The following DDX4 variants were observed in gnomAD, a reference collection of about 807,000 sequenced individuals.
DDX4 encodes DEAD-box helicase 4.
In DDX4, 25 loss-of-function variants were observed where a neutral mutation model predicts 100.0. The observed-to-expected ratio is 0.25, with a 90% CI of 0.18 to 0.35. DDX4 has a LOEUF of 0.35. Among genes scored for constraint, DDX4 ranks in the 10% least tolerant of loss-of-function variants. DDX4 has a pLI of 1.00. For missense variants in DDX4, 635 were observed against 882.4 expected (o/e 0.72, Z 3.55); for synonymous variants, 259 against 275.7 (o/e 0.94, Z 0.60).
chr5:55,804,560 C>T (rs1743564312), intron 18 of DDX4, among the ~76,000 whole-genome samples: 1 of 152,162 alleles, frequency 6.6e-6, no homozygotes, highest in Non-Finnish European at 1.5e-5. Context: ...GTTTTCCCAG[C>T]ACCATTTATT....
chr5:55,764,486 G>A (rs1488672763), intron 6 of DDX4, among the ~76,000 whole-genome samples: 1 of 152,120 alleles, frequency 6.6e-6, no homozygotes, highest in Non-Finnish European at 1.5e-5. Context: ...TGAAGGTACT[G>A]ACACTCTACA....
rs533219250 is a variant in DDX4, at chr5:55,814,834, G to T, written c.1716-67G>T. 1,469 of 1,517,566 alleles carry T rather than the reference G, an allele frequency of 9.7e-4. 3 individuals are homozygous for T. The highest frequency in any genetic ancestry group is 2.1e-3 in the Middle Eastern group (12 of 5,686). The allele number at this position is 1,517,566 out of a possible 1,614,324, so 94.0% of individuals were successfully genotyped here. A position where few individuals can be genotyped will look rare whatever the true frequency, so the allele number is the denominator to read the frequency against. ...ATTATTAAAAAGAAATTTGTATGTT[G>T]AACTTTAATGATTCACTTTAATGAT... On this transcript the variant is annotated intron_variant, in intron 19 of 21. Transcript: ENST00000505374.
At chr5:55,792,843 A>G (rs1238381455) in intron 17 of DDX4, 36 bp downstream of exon 17, 7 of 1,158,222 alleles carry the variant, frequency 6.0e-6, no homozygotes, top group Non-Finnish European at 7.7e-6. Flanking sequence ...TTAATTATAT[A>G]TATATACATA....
chr5:55,814,867 G>A (rs776620073), intron 19 of DDX4, 34 bp from the exon 20 acceptor site: 2 of 1,578,260 alleles, frequency 1.3e-6, no homozygotes, highest in South Asian at 2.3e-5. Context: ...GATTTTAAGA[G>A]TGGTTCTAAT....
intron 21 of DDX4, 106 bp downstream of exon 21, chr5:55,815,529 T>A (rs1580618423): frequency 1.5e-6 from 2 of 1,377,502 alleles, no homozygotes; most frequent in African/African-American, 1.5e-5. Context: ...AGCCATTGTT[T>A]TCGTGCCTGG....
chr5:55,792,346 A>AT lies in DDX4; in HGVS notation c.1303-286dup, dbSNP rs922088093. ...TAGTCTTTTTTCTTAACAGTATTTT[A>AT]TTTTTTTTTATTTTTATTTTTTTCT... On this transcript the variant is annotated intron_variant, in intron 16 of 21. Coordinates refer to ENST00000505374, the MANE Select transcript of DDX4 (RefSeq NM_024415.3). Among the ~76,000 whole-genome samples the AT allele has an allele frequency of 7.3e-5, 11 of 150,112 alleles. No individual in the cohort carries two copies. In the South Asian group the frequency reaches 1.3e-3, roughly 17 times the overall value.
chr5:55,741,730 A>G (rs2150803539), intron 2 of DDX4, among the ~76,000 whole-genome samples: 1 of 152,182 alleles, frequency 6.6e-6, no homozygotes, highest in South Asian at 2.1e-4. Flanking sequence ...TGGAGACTGC[A>G]GTGAGCCAAG....
At chr5:55,808,360 G>A (rs1019857205) in intron 18 of DDX4, among the ~76,000 whole-genome samples, 13 of 152,164 alleles carry the variant, frequency 8.5e-5, no homozygotes, top group Admixed American at 7.9e-4. Context: ...TTGCTGGTGA[G>A]GAGCTGCGTT....
intron 18 of DDX4, among the ~76,000 whole-genome samples, chr5:55,801,220 T>G (rs59380477): frequency 0.11 from 16,180 of 150,898 alleles, 1,294 homozygotes; most frequent in East Asian, 0.29. Flanking sequence ...GGGGTGTTTT[T>G]TTTTTTTTTT....
intron 6 of DDX4, among the ~76,000 whole-genome samples, chr5:55,764,671 A>G (rs1580538802): frequency 6.6e-6 from 1 of 152,304 alleles, no homozygotes; most frequent in South Asian, 2.1e-4. Flanking sequence ...TTGATGTATG[A>G]AATCTTTATA....
intron 7 of DDX4, among the ~76,000 whole-genome samples, chr5:55,769,591 T>C (rs1257786393): frequency 6.6e-6 from 1 of 152,172 alleles, no homozygotes; most frequent in Non-Finnish European, 1.5e-5. Context: ...ATTGTTAAAA[T>C]GGCCATACTG....
chr5:55,788,721 C>A (rs1251357443), intron 15 of DDX4, among the ~76,000 whole-genome samples: 1 of 152,112 alleles, frequency 6.6e-6, no homozygotes, highest in Non-Finnish European at 1.5e-5. Context: ...TAGGTTCTTT[C>A]TAACTTGGGG....
chr5:55,755,235 T>C (rs1273374638), intron 3 of DDX4, among the ~76,000 whole-genome samples: 1 of 152,174 alleles, frequency 6.6e-6, no homozygotes, highest in African/African-American at 2.4e-5. Flanking sequence ...CATCTAGGCT[T>C]TTCCTCACTT....
chr5:55,760,539 G>A (rs1318289143), intron 4 of DDX4, among the ~76,000 whole-genome samples: 1 of 152,156 alleles, frequency 6.6e-6, no homozygotes, highest in African/African-American at 2.4e-5. Flanking sequence ...ATGATTCACA[G>A]AGCTGCTGCT....
chr5:55,777,105 G>T (rs906653437), intron 7 of DDX4, among the ~76,000 whole-genome samples: 2 of 152,164 alleles, frequency 1.3e-5, no homozygotes, highest in African/African-American at 2.4e-5. Context: ...AAGGAAGGTA[G>T]ATTGAAAATA....
chr5:55,764,633 T>A (rs1433945529), intron 6 of DDX4, among the ~76,000 whole-genome samples: 6 of 152,184 alleles, frequency 3.9e-5, no homozygotes, highest in Non-Finnish European at 8.8e-5. Context: ...TCCATGGTGA[T>A]CCTGATACCT....
At chr5:55,798,742 A>G (rs553261303) in intron 18 of DDX4, among the ~76,000 whole-genome samples, 171 bp downstream of exon 18, 4 of 152,306 alleles carry the variant, frequency 2.6e-5, no homozygotes, top group African/African-American at 9.6e-5. Context: ...TGGGTAAATT[A>G]TATAAAAATA....
chr5:55,798,153 A>G (rs1413516071), intron 17 of DDX4, among the ~76,000 whole-genome samples: 1 of 152,096 alleles, frequency 6.6e-6, no homozygotes, highest in Admixed American at 6.5e-5. Context: ...CACATATTTT[A>G]TATAGTTTTG....
intron 18 of DDX4, among the ~76,000 whole-genome samples, chr5:55,812,287 C>T (rs162090): frequency 0.12 from 18,679 of 152,064 alleles, 1,195 homozygotes; most frequent in Middle Eastern, 0.15. Flanking sequence ...AGGGGCCGGG[C>T]GCGGTGGTTC....
Sources: gnomAD v4.1 joint callset for allele counts (sites outside exome capture counted in the v4.1 genomes callset) on GRCh38, gnomAD v4.1.1 for gene constraint, MANE v1.5 for transcripts, NCBI Gene and HGNC (gene_info 2026-07-23, HGNC 2026-07-21) for gene names.